Variants in GLB1L3 observed in about 807,000 individuals in gnomAD.
The protein encoded by GLB1L3 is beta-galactosidase-1-like protein 3.
GLB1L3 carries 89 observed loss-of-function variants against 89.5 expected under a neutral mutation model. The observed-to-expected ratio is 0.99, with a 90% confidence interval of 0.84 to 1.19. The LOEUF (loss-of-function observed/expected upper bound fraction) is 1.19. Ranked by LOEUF, GLB1L3 falls within the 50% of genes most tolerant of loss-of-function variation. GLB1L3 has a pLI of 0.00. For missense variants in GLB1L3, 812 were observed against 813.3 expected (o/e 1.00, Z 0.02); for synonymous variants, 314 against 312.3 (o/e 1.01, Z -0.06).
rs1312501270 is a variant in GLB1L3, at chr11:134,290,573, C to CG, written c.730-1559_730-1558insG. Among the ~76,000 whole-genome samples, 124 of 113,008 alleles carry CG rather than the reference C, an allele frequency of 1.1e-3. 4 individuals carry two copies. The highest frequency in any genetic ancestry group is 2.2e-3 in the Non-Finnish European group (108 of 49,954). 74.1% of individuals were successfully genotyped at this position (113,008 alleles called of 152,430 possible). On this transcript the variant is annotated intron_variant, in intron 7 of 19. Coordinates refer to ENST00000431683, the MANE Select transcript of GLB1L3 (RefSeq NM_001080407.3). ...GGGTGACAGAGTGAGACTCGTCCCC[C>CG]CCCGCCAAAAAAAAAGAAAAGAAAA...
intron 13 of GLB1L3, 99 bp downstream of exon 13, chr11:134,311,269 C>T (rs951593473): frequency 8.1e-6 from 7 of 862,988 alleles, no homozygotes; most frequent in Admixed American, 1.8e-5. Flanking sequence ...AAAACAAATC[C>T]TCTGCATTTC....
Position 134,293,098 on chromosome 11 carries a change from C to G in GLB1L3, c.812-47C>G, listed in dbSNP as rs368269859. The stretch of plus-strand genomic sequence containing the variant: ...GGGGCGCATTCCTTCCCTTCCCTGA[C>G]AGCACTTGTCTCATGCCTCAGCTGG... On this transcript the variant is annotated intron_variant, in intron 8 of 19. Coordinates refer to ENST00000431683, the MANE Select transcript of GLB1L3 (RefSeq NM_001080407.3). 6.5e-5 allele frequency: 100 copies of G among 1,533,878 alleles called. 1 individual carries two copies. The African/African-American group carries it at 1.2e-3, about 19-fold the overall frequency.
chr11:134,286,927 G>A (rs1469310621), intron 6 of GLB1L3, among the ~76,000 whole-genome samples: 5 of 151,580 alleles, frequency 3.3e-5, no homozygotes, highest in East Asian at 2.0e-4. Flanking sequence ...TTGGGAGGCC[G>A]AGGTGGGTGG....
At chr11:134,289,289 C>T (rs1941203282) in intron 7 of GLB1L3, among the ~76,000 whole-genome samples, 1 of 151,934 alleles carries the variant, frequency 6.6e-6, no homozygotes, top group South Asian at 2.1e-4. Flanking sequence ...AGGTCTTTAT[C>T]CTCATCATCT....
rs751517209 is a variant in GLB1L3 at position 134,313,944 on chromosome 11, T to A, written c.1583T>A (p.Ile528Lys). Residue 528 changes from isoleucine to lysine, a missense_variant, in exon 17 of 20, where the codon ATA becomes AAA. Coordinates refer to ENST00000431683, the MANE Select transcript of GLB1L3 (RefSeq NM_001080407.3). The part of the protein sequence containing the change: ...SWQIQNEQKG[I>K]TGSVSINNSS... ...TGCCTCCCATCTGCATCTGCAGGAA[T>A]AACTGGATCTGTCAGCATCAATAAC... The A allele has an allele frequency of 1.2e-6, 2 of 1,605,724 alleles. No homozygotes were observed. Among genetic ancestry groups the A allele is most frequent in the East Asian group, 2.2e-5 (1 of 44,840 alleles).
intron 12 of GLB1L3, 36 bp downstream of exon 12, chr11:134,310,687 C>A: frequency 6.7e-7 from 1 of 1,491,266 alleles, no homozygotes; most frequent in South Asian, 1.1e-5. Flanking sequence ...GGCCAGCCCT[C>A]CTCATGTGGA....
Position 134,288,839 on chromosome 11 carries a change from T to A in GLB1L3, c.678T>A (p.Asn226Lys). ...CTGTCATCGCGGTGCAAGTGGAGAA[T>A]GAGTATGGCTCATTCAATAAGGATA... ...AGPVIAVQVE[N>K]EYGSFNKDKT... Residue 226 changes from asparagine to lysine, a missense_variant, in exon 7 of 20, where the codon AAT becomes AAA. Coordinates refer to ENST00000431683, the MANE Select transcript of GLB1L3 (RefSeq NM_001080407.3). The A allele has an allele frequency of 1.2e-6, 2 of 1,613,236 alleles. No individual in the cohort carries two copies. Among genetic ancestry groups the A allele is most frequent in the South Asian group, 2.2e-5 (2 of 91,006 alleles).
At chr11:134,297,876 A>AAAAAAAAAAG (rs1555077361) in intron 9 of GLB1L3, among the ~76,000 whole-genome samples, 18 of 110,834 alleles carry the variant, frequency 1.6e-4, no homozygotes, top group East Asian at 2.6e-4. Flanking sequence ...AAAAAAAAAA[A>AAAAAAAAAAG]AAAGAAAGAA....
intron 6 of GLB1L3, chr11:134,286,952 A>G (rs1358840006): frequency 2.0e-5 from 3 of 150,682 alleles, no homozygotes; most frequent in African/African-American, 7.3e-5. Flanking sequence ...CGAGGTCAGG[A>G]GATCAAGACC....
At chr11:134,315,721 A>G (rs1310016565) in intron 18 of GLB1L3, among the ~76,000 whole-genome samples, 12 of 152,110 alleles carry the variant, frequency 7.9e-5, no homozygotes, top group Non-Finnish European at 1.2e-4. Flanking sequence ...AATTTTATTA[A>G]TTGTTCAAAG....
At chr11:134,304,901 ATTG>A (rs1478216218) in intron 9 of GLB1L3, among the ~76,000 whole-genome samples, 20 of 152,122 alleles carry the variant, frequency 1.3e-4, no homozygotes, top group African/African-American at 4.6e-4. Flanking sequence ...TGTAGATTCT[ATTG>A]TTGTTTCTTT....
intron 17 of GLB1L3, 64 bp downstream of exon 17, chr11:134,314,092 C>A: frequency 9.0e-7 from 1 of 1,112,874 alleles, no homozygotes; most frequent in South Asian, 1.3e-5. Flanking sequence ...TTTCAGATTC[C>A]TCATTGCAGA....
intron 11 of GLB1L3, chr11:134,310,353 C>T: frequency 3.7e-6 from 2 of 547,150 alleles, no homozygotes; most frequent in Non-Finnish European, 6.5e-6. Context: ...GAAGTGGGGG[C>T]AAGCCCAGTG....
intron 9 of GLB1L3, chr11:134,305,030 A>G: frequency 6.8e-7 from 1 of 1,471,840 alleles, no homozygotes; most frequent in South Asian, 1.3e-5. Context: ...TGGCATAATA[A>G]CAATGTATCT....
chr11:134,278,920 T>G (rs1940529769), intron 3 of GLB1L3, among the ~76,000 whole-genome samples: 1 of 152,266 alleles, frequency 6.6e-6, no homozygotes, highest in African/African-American at 2.4e-5. Flanking sequence ...TTTCTGATAG[T>G]CAAGCAGCCA....
chr11:134,296,862 T>TAATA (rs1555076987), intron 9 of GLB1L3, among the ~76,000 whole-genome samples: 1 of 131,762 alleles, frequency 7.6e-6, no homozygotes, highest in African/African-American at 2.7e-5. Flanking sequence ...ATAATAATAA[T>TAATA]AAAAACAAAC....
intron 18 of GLB1L3, among the ~76,000 whole-genome samples, chr11:134,318,296 C>A (rs1355128857): frequency 6.6e-6 from 1 of 152,144 alleles, no homozygotes; most frequent in East Asian, 1.9e-4. Context: ...AAATGTGCAG[C>A]TTTTATATTA....
At chr11:134,301,288 T>C (rs977071338) in intron 9 of GLB1L3, among the ~76,000 whole-genome samples, 1 of 152,214 alleles carries the variant, frequency 6.6e-6, no homozygotes, top group Non-Finnish European at 1.5e-5. Context: ...GCTGTGAGGA[T>C]GGGATTTATG....
At position 134,277,212 on chromosome 11, in the gene GLB1L3, C is replaced by G. The variant is rs774297833; in HGVS notation, c.24-114C>G. ...CCGCCTGGAAGACCCGCCTGTGTCG[C>G]GGGCCCCCTCCCTGGCTCTGGCCTC... On this transcript the variant is annotated intron_variant, in intron 1 of 19. Transcript: ENST00000431683. 1.2e-5 allele frequency: 17 copies of G among 1,361,098 alleles called. No homozygotes were observed. The East Asian group carries it at 3.9e-4, about 31-fold the overall frequency. The allele number at this position is 1,361,098 out of a possible 1,614,324, so 84.3% of individuals were successfully genotyped here.
Sources: gnomAD v4.1 joint callset for allele counts (sites outside exome capture counted in the v4.1 genomes callset) on GRCh38, gnomAD v4.1.1 for gene constraint, MANE v1.5 for transcripts, NCBI Gene and HGNC (gene_info 2026-07-23, HGNC 2026-07-21) for gene names.